The following NARS2 variants were observed in gnomAD, a reference collection of about 807,000 sequenced individuals.
NARS2 encodes asparaginyl-tRNA synthetase.
Under a neutral mutation model 62.9 loss-of-function variants are expected in NARS2, and 60 were observed. That is an observed-to-expected ratio of 0.95 (90% CI 0.77 to 1.18). The LOEUF is 1.18. Ranked by LOEUF, NARS2 falls within the 50% of genes most tolerant of loss-of-function variation. The probability of loss-of-function intolerance (pLI) is 0.00; values close to 1 mark genes in which losing one functional copy is unlikely to be tolerated. For synonymous variants in NARS2, 196 were observed against 200.0 expected (o/e 0.98, Z 0.17); for missense variants, 619 against 576.4 (o/e 1.07, Z -0.76).
At chr11:78,440,929 A>T (rs189149252) in intron 13 of NARS2, among the ~76,000 whole-genome samples, 162 bp downstream of exon 13, 12 of 152,336 alleles carry the variant, frequency 7.9e-5, no homozygotes, top group African/African-American at 2.6e-4. Context: ...CAAAGGAAGT[A>T]AGTAATCTTC....
At chr11:78,479,614 A>G (rs954660042) in intron 7 of NARS2, among the ~76,000 whole-genome samples, 10 of 152,254 alleles carry the variant, frequency 6.6e-5, no homozygotes, top group Admixed American at 6.5e-4. Context: ...AAATATTTCT[A>G]AAATGTTTTT....
intron 12 of NARS2, among the ~76,000 whole-genome samples, chr11:78,441,852 A>C (rs977282103): frequency 6.6e-6 from 1 of 152,238 alleles, no homozygotes; most frequent in Non-Finnish European, 1.5e-5. Context: ...CCTTCATAAT[A>C]TGGTTGCACA....
chr11:78,471,401 A>G (rs1196879238), intron 9 of NARS2, among the ~76,000 whole-genome samples: 2 of 152,208 alleles, frequency 1.3e-5, no homozygotes, highest in Non-Finnish European at 2.9e-5. Flanking sequence ...ATCTGATTCT[A>G]CTACTAGCTA....
At chr11:78,552,581 C>T (rs1458547636) in intron 5 of NARS2, among the ~76,000 whole-genome samples, 2 of 152,136 alleles carry the variant, frequency 1.3e-5, no homozygotes, top group Non-Finnish European at 2.9e-5. Context: ...CAAAGTCATC[C>T]CTCTGCTCAC....
intron 12 of NARS2, 143 bp downstream of exon 12, chr11:78,443,518 T>C (rs1454875729): frequency 1.5e-5 from 7 of 469,644 alleles, no homozygotes; most frequent in Non-Finnish European, 2.3e-5. Flanking sequence ...AACTAACAAC[T>C]TGCTCAAGGA....
intron 5 of NARS2, chr11:78,533,038 T>A (rs1251110551): frequency 6.6e-6 from 1 of 152,210 alleles, no homozygotes; most frequent in Non-Finnish European, 1.5e-5. Context: ...TAAAATTGGA[T>A]TCTGGGCCTC....
intron 13 of NARS2, 35 bp from the exon 14 acceptor site, chr11:78,436,849 ATAGTAT>A: frequency 6.3e-7 from 1 of 1,592,858 alleles, no homozygotes; most frequent in Non-Finnish European, 8.6e-7. Flanking sequence ...TCATCTATAT[ATAGTAT>A]AAGACCAGAT....
chr11:78,564,047 C>A (rs1050150155), intron 4 of NARS2, among the ~76,000 whole-genome samples: 1 of 149,424 alleles, frequency 6.7e-6, no homozygotes, highest in Non-Finnish European at 1.5e-5. Flanking sequence ...TACAGGCACA[C>A]GCCACCATAC....
intron 9 of NARS2, 52 bp downstream of exon 9, chr11:78,478,386 T>C: frequency 1.0e-5 from 8 of 789,764 alleles, no homozygotes; most frequent in Non-Finnish European, 1.3e-5. Flanking sequence ...TAATATAGTG[T>C]GATAAATACA....
intron 7 of NARS2, among the ~76,000 whole-genome samples, chr11:78,492,056 T>C (rs762989000): frequency 4.6e-5 from 7 of 151,512 alleles, no homozygotes; most frequent in African/African-American, 1.2e-4. Context: ...TCCTGGGTAT[T>C]TACTAAGTGC....
chr11:78,489,327 T>C (rs541237609), intron 7 of NARS2, among the ~76,000 whole-genome samples: 95 of 152,100 alleles, frequency 6.2e-4, no homozygotes, highest in Non-Finnish European at 1.1e-3. Context: ...AGTAAGTACA[T>C]GAAAAGATGC....
chr11:78,534,552 A>C (rs1179936034), intron 5 of NARS2, among the ~76,000 whole-genome samples: 1 of 152,212 alleles, frequency 6.6e-6, no homozygotes, highest in Admixed American at 6.5e-5. Flanking sequence ...TGAGTGAATA[A>C]ATCAGAACTT....
chr11:78,553,633 T>C (rs1253700125), intron 5 of NARS2, among the ~76,000 whole-genome samples: 1 of 152,178 alleles, frequency 6.6e-6, no homozygotes, highest in Non-Finnish European at 1.5e-5. Flanking sequence ...TCTAAGTAAG[T>C]TCCTTATAGA....
intron 9 of NARS2, among the ~76,000 whole-genome samples, chr11:78,476,949 T>C (rs547626563): frequency 6.6e-6 from 1 of 152,324 alleles, no homozygotes; most frequent in East Asian, 1.9e-4. Context: ...ATTTCATCTT[T>C]TACTCAACCT....
intron 1 of NARS2, 45 bp from the exon 2 acceptor site, chr11:78,571,489 G>A (rs1406770000): frequency 1.4e-6 from 2 of 1,382,432 alleles, no homozygotes; most frequent in African/African-American, 1.4e-5. Flanking sequence ...AACATTTTAC[G>A]TTTTCATTAC....
At chr11:78,494,420 T>C (rs1165668549) in intron 6 of NARS2, among the ~76,000 whole-genome samples, 4 of 151,794 alleles carry the variant, frequency 2.6e-5, no homozygotes, top group South Asian at 2.1e-4. Flanking sequence ...TCAGAAAACT[T>C]AGTGTAGAAA....
At chr11:78,483,014 A>G (rs1388072402) in intron 7 of NARS2, among the ~76,000 whole-genome samples, 1 of 152,218 alleles carries the variant, frequency 6.6e-6, no homozygotes, top group African/African-American at 2.4e-5. Context: ...AACCAAATCC[A>G]GCAGCACATC....
chr11:78,513,793 C>T (rs1055148030), intron 6 of NARS2, among the ~76,000 whole-genome samples: 2 of 152,100 alleles, frequency 1.3e-5, no homozygotes, highest in Non-Finnish European at 2.9e-5. Flanking sequence ...CCTGTCTCTG[C>T]CCCAATCTCA....
chr11:78,456,658 T>C (rs1858173828), intron 11 of NARS2, among the ~76,000 whole-genome samples: 1 of 152,228 alleles, frequency 6.6e-6, no homozygotes, highest in Non-Finnish European at 1.5e-5. Context: ...TAAGTAATAC[T>C]GATATAATTT....
Sources: gnomAD v4.1 joint callset for allele counts (sites outside exome capture counted in the v4.1 genomes callset) on GRCh38, gnomAD v4.1.1 for gene constraint, MANE v1.5 for transcripts, NCBI Gene and HGNC (gene_info 2026-07-23, HGNC 2026-07-21) for gene names.